Variants in SDK1 observed in about 807,000 individuals in gnomAD.
The protein encoded by SDK1 is sidekick cell adhesion molecule 1.
A neutral mutation model predicts 245.5 loss-of-function variants in SDK1; 157 were observed. The observed-to-expected ratio is 0.64, with a 90% CI of 0.56 to 0.73. The LOEUF (loss-of-function observed/expected upper bound fraction) is 0.73. Ranked by LOEUF, SDK1 falls within the 30% of genes least tolerant of loss-of-function variation. The probability of loss-of-function intolerance (pLI) is 0.00; values close to 1 mark genes in which losing one functional copy is unlikely to be tolerated. For synonymous variants in SDK1, 1,647 were observed against 1,278.5 expected, an observed-to-expected ratio of 1.29 and a Z score of -6.15; for missense variants, 3,583 against 3,002.3, an observed-to-expected ratio of 1.19 and a Z score of -4.52.
chr7:3,457,207 GTTGT>G (rs1187061206), intron 1 of SDK1, among the ~76,000 whole-genome samples: 1 of 152,114 alleles, frequency 6.6e-6, no homozygotes, highest in African/African-American at 2.4e-5. Flanking sequence ...GCTGCCTTTG[GTTGT>G]TTGTAGGTCA....
intron 14 of SDK1, among the ~76,000 whole-genome samples, chr7:3,997,736 A>C (rs567898594): frequency 1.3e-5 from 2 of 151,762 alleles, no homozygotes; most frequent in East Asian, 3.9e-4. Flanking sequence ...ACAAGTTCCC[A>C]CTCCAGCCAG....
At chr7:4,221,580 C>T (rs1785157943) in intron 40 of SDK1, among the ~76,000 whole-genome samples, 1 of 152,188 alleles carries the variant, frequency 6.6e-6, no homozygotes, top group Admixed American at 6.5e-5. Flanking sequence ...AGGGCATACG[C>T]TTTGGGATGT....
At chr7:3,605,145 A>AACACACACACACAC (rs3086077) in intron 1 of SDK1, among the ~76,000 whole-genome samples, 9,142 of 147,294 alleles carry the variant, frequency 0.062, 374 homozygotes, top group East Asian at 0.18. Flanking sequence ...AAAAACAAGA[A>AACACACACACACAC]ACACACACAC....
chr7:3,604,099 G>C (rs1171675134), intron 1 of SDK1, among the ~76,000 whole-genome samples: 1 of 152,080 alleles, frequency 6.6e-6, no homozygotes, highest in Non-Finnish European at 1.5e-5. Context: ...ATTTTATTGA[G>C]GATTTTTGCA....
chr7:3,968,898 A>C (rs190972708), intron 10 of SDK1, among the ~76,000 whole-genome samples: 84 of 152,382 alleles, frequency 5.5e-4, no homozygotes, highest in Non-Finnish European at 6.2e-4. Flanking sequence ...GAATTGACTC[A>C]CAGTTCTGCA....
intron 4 of SDK1, among the ~76,000 whole-genome samples, chr7:3,646,371 A>G (rs192201070): frequency 6.6e-6 from 1 of 152,212 alleles, no homozygotes; most frequent in African/African-American, 2.4e-5. Flanking sequence ...TCTAACTTGA[A>G]AAATAAGTTG....
At chr7:3,991,540 G>A (rs1211615754) in intron 14 of SDK1, among the ~76,000 whole-genome samples, 2 of 152,168 alleles carry the variant, frequency 1.3e-5, no homozygotes, top group Admixed American at 1.3e-4. Context: ...CCAGCACAGT[G>A]CCTGGCACAC....
At chr7:3,828,759 T>A (rs1007201949) in intron 5 of SDK1, among the ~76,000 whole-genome samples, 1 of 151,688 alleles carries the variant, frequency 6.6e-6, no homozygotes, top group African/African-American at 2.4e-5. Context: ...TCAAGCAGTC[T>A]TGCTGCCTCA....
intron 1 of SDK1, among the ~76,000 whole-genome samples, chr7:3,329,659 G>A (rs150322530): frequency 1.3e-5 from 2 of 152,282 alleles, no homozygotes; most frequent in Admixed American, 6.5e-5. Context: ...TTAACTTGGT[G>A]TGCTGTTTTC....
At chr7:3,488,093 A>G (rs909814858) in intron 1 of SDK1, among the ~76,000 whole-genome samples, 1 of 151,786 alleles carries the variant, frequency 6.6e-6, no homozygotes, top group Admixed American at 6.6e-5. Context: ...TTTCAGTTCA[A>G]CTCTTGTGCA....
chr7:4,082,805 G>A lies in SDK1; in HGVS notation c.3324+3221G>A, dbSNP rs529074999. On this transcript the variant is annotated intron_variant, in intron 22 of 44. Transcript: ENST00000404826. ...CAGCTAACTTTTTATATTTTTGGTA[G>A]AGACAGGGTTTTGCTGTGTTGCCCA... is the stretch of plus-strand genomic sequence containing the variant. Among the ~76,000 whole-genome samples the A allele has an allele frequency of 2.3e-3, 349 of 152,132 alleles. 2 individuals carry two copies. The highest frequency in any genetic ancestry group is 4.8e-3 in the Admixed American group (73 of 15,286).
At chr7:4,067,764 A>G in intron 19 of SDK1, 74 bp from the exon 20 acceptor site, 1 of 1,084,150 alleles carries the variant, frequency 9.2e-7, no homozygotes, top group East Asian at 2.5e-5. Context: ...CATAGTTAGA[A>G]CCTTCCCCAC....
At chr7:3,337,695 G>A (rs573455685) in intron 1 of SDK1, among the ~76,000 whole-genome samples, 16 of 152,274 alleles carry the variant, frequency 1.1e-4, no homozygotes, top group African/African-American at 3.4e-4. Flanking sequence ...AATGAGAGGA[G>A]CCTTCTCATC....
chr7:3,736,914 T>A (rs1583357371), intron 4 of SDK1, among the ~76,000 whole-genome samples: 1 of 152,222 alleles, frequency 6.6e-6, no homozygotes, highest in Non-Finnish European at 1.5e-5. Context: ...ACTGAAAGTT[T>A]GTACCCTTTG....
intron 3 of SDK1, 94 bp from the exon 4 acceptor site, chr7:3,641,864 A>G (rs1782660707): frequency 2.0e-6 from 2 of 996,834 alleles, no homozygotes; most frequent in African/African-American, 3.3e-5. Context: ...AGCATCAGTG[A>G]CTTTACTGTA....
chr7:3,986,026 G>T lies in SDK1; in HGVS notation c.1995-1160G>T, dbSNP rs1783804345. ...GGCACTGCCTGGCAGCGTTTATGGA[G>T]GGGCAGCCATCCAGGACAGCCCCGG... On this transcript the variant is annotated intron_variant, in intron 13 of 44. Coordinates refer to ENST00000404826, the MANE Select transcript of SDK1 (RefSeq NM_152744.4). Among the ~76,000 whole-genome samples, 5 of 152,142 alleles carry T rather than the reference G, an allele frequency of 3.3e-5. No individual in the cohort carries two copies. In the South Asian group the frequency reaches 1.0e-3, roughly 32 times the overall value.
At chr7:3,441,061 T>G (rs139107652) in intron 1 of SDK1, among the ~76,000 whole-genome samples, 1 of 152,244 alleles carries the variant, frequency 6.6e-6, no homozygotes, top group East Asian at 1.9e-4. Context: ...CCCTACTTCA[T>G]CTCATTACAT....
intron 4 of SDK1, among the ~76,000 whole-genome samples, chr7:3,755,485 G>C (rs187360568): frequency 5.9e-5 from 9 of 152,254 alleles, no homozygotes; most frequent in African/African-American, 1.9e-4. Flanking sequence ...GTATGAACTG[G>C]ATAAACTTGA....
chr7:3,843,997 G>A (rs1780219145), intron 5 of SDK1, among the ~76,000 whole-genome samples: 1 of 152,168 alleles, frequency 6.6e-6, no homozygotes, highest in South Asian at 2.1e-4. Flanking sequence ...ATTAGACAGA[G>A]TCTCACCGTG....
Sources: allele counts gnomAD v4.1 joint callset (sites outside exome capture counted in the v4.1 genomes callset), GRCh38; gene constraint gnomAD v4.1.1; transcripts MANE v1.5; gene names NCBI Gene and HGNC (gene_info 2026-07-23, HGNC 2026-07-21).